Variants in FMNL3 observed in about 807,000 individuals in gnomAD.
FMNL3 encodes formin-like protein 3.
Under a neutral mutation model 119.6 loss-of-function variants are expected in FMNL3, and 57 were observed. The observed-to-expected ratio is 0.48, with a 90% confidence interval of 0.39 to 0.59. FMNL3 has a LOEUF of 0.59. Among genes scored for constraint, FMNL3 ranks in the 20% least tolerant of loss-of-function variants. The probability of loss-of-function intolerance (pLI) is 0.00; values close to 1 mark genes in which losing one functional copy is unlikely to be tolerated. For synonymous variants in FMNL3, 491 were observed against 507.3 expected (o/e 0.97, Z 0.43); for missense variants, 1,053 against 1,323.5 (o/e 0.80, Z 3.17).
intron 1 of FMNL3, among the ~76,000 whole-genome samples, chr12:49,703,782 GT>G (rs1389423420): frequency 2.6e-5 from 4 of 152,128 alleles, no homozygotes; most frequent in Non-Finnish European, 4.4e-5. Flanking sequence ...GACAGATCAT[GT>G]GTCTAGAACA....
intron 1 of FMNL3, among the ~76,000 whole-genome samples, chr12:49,687,016 A>G (rs1241144182): frequency 5.3e-5 from 8 of 152,226 alleles, no homozygotes; most frequent in East Asian, 1.9e-4. Flanking sequence ...AAGTTCATGG[A>G]AAGTTTCACT....
Position 49,642,059 on chromosome 12 carries a change from A to G in FMNL3, c.*3756T>C, listed in dbSNP as rs778731129. On this transcript the variant is annotated 3_prime_UTR_variant, in exon 26 of 26. Coordinates refer to ENST00000335154, the MANE Select transcript of FMNL3 (RefSeq NM_175736.5). This position sits in a 1 kb window ranked among gnomAD's most constrained non-coding sequence, Gnocchi z 5.8. ...TGGGCGGGGCGTGGGAAGTTCTCTA[A>G]TTCATCTGTGTCTTGCTCCATTCCT... The G allele has an allele frequency of 1.9e-6, 3 of 1,607,528 alleles. No homozygotes were observed. The highest frequency in any genetic ancestry group is 1.7e-6 in the Non-Finnish European group (2 of 1,177,022).
chr12:49,697,805 A>C (rs1379428401), intron 1 of FMNL3, among the ~76,000 whole-genome samples: 1 of 152,180 alleles, frequency 6.6e-6, no homozygotes, highest in Non-Finnish European at 1.5e-5. Flanking sequence ...ACGTGTCATA[A>C]AGGATGAAAT....
chr12:49,650,729 G>A lies in FMNL3; in HGVS notation c.1947C>T (p.Ile649=). ...LEANRAKNLA[I]TLRKAGRSAE... ...CCGAGCGGCCAGCCTTGCGTAGGGTGATGGCCAGGTTCTTGGCACGATTGG... is the reference window on the plus strand; with the variant it reads ...CCGAGCGGCCAGCCTTGCGTAGGGTAATGGCCAGGTTCTTGGCACGATTGG... Residue 649 remains isoleucine, a synonymous_variant, in exon 17 of 26, where the codon ATC becomes ATT. Transcript: ENST00000335154. 1 of 1,614,166 alleles carries A rather than the reference G, an allele frequency of 6.2e-7. No homozygotes were observed. Among genetic ancestry groups the A allele is most frequent in the Non-Finnish European group, 8.5e-7 (1 of 1,180,044 alleles).
At chr12:49,673,780 C>T (rs1356737390) in intron 1 of FMNL3, among the ~76,000 whole-genome samples, 2 of 152,274 alleles carry the variant, frequency 1.3e-5, no homozygotes, top group African/African-American at 4.8e-5. Flanking sequence ...GCAGGCCAGC[C>T]GGCCCAGCCC....
rs759943734 is a variant in FMNL3 at position 49,668,480 on chromosome 12, G to A, written c.201C>T (p.Ile67=). 26 of 1,614,052 alleles carry A rather than the reference G, an allele frequency of 1.6e-5. No homozygotes were observed. The South Asian group carries it at 2.7e-4, about 17-fold the overall frequency. ...QYDNEKKWDL[I]CDQERFQVKN... Reference sequence around the variant, plus strand: ...TTCCCAAACCCCATACCTGGTCACAGATCAGATCCCATTTCTTCTCATTGT... The same window carrying A: ...TTCCCAAACCCCATACCTGGTCACAAATCAGATCCCATTTCTTCTCATTGT... Residue 67 remains isoleucine, a synonymous_variant, in exon 2 of 26, where the codon ATC becomes ATT. Coordinates refer to ENST00000335154, the MANE Select transcript of FMNL3 (RefSeq NM_175736.5).
chr12:49,637,847 A>G lies in FMNL3; in HGVS notation c.*7968T>C. On this transcript the variant is annotated 3_prime_UTR_variant, in exon 26 of 26. Coordinates refer to ENST00000335154, the MANE Select transcript of FMNL3 (RefSeq NM_175736.5). ...AAGGTGAGGGAGGCTGGGGTTATGG[A>G]TGGATACAGGATGGATGCAGGGCAC... is the stretch of plus-strand genomic sequence containing the variant. The G allele has an allele frequency of 6.4e-7, 1 of 1,562,998 alleles. No homozygotes were observed. Among genetic ancestry groups the G allele is most frequent in the Non-Finnish European group, 8.8e-7 (1 of 1,134,876 alleles).
intron 1 of FMNL3, among the ~76,000 whole-genome samples, chr12:49,697,075 G>A (rs1471640844): frequency 6.6e-6 from 1 of 152,172 alleles, no homozygotes; most frequent in Non-Finnish European, 1.5e-5. Flanking sequence ...GATTTCCAAA[G>A]GAATCTGTTA....
chr12:49,666,016 A>G lies in FMNL3; in HGVS notation c.292-108T>C, dbSNP rs12305096. ...CTTGGCCACAGAACCCTGAAATCCA[A>G]CTCCCAATGCTCAGAAACAGATGTC... On this transcript the variant is annotated intron_variant, in intron 3 of 25. Coordinates refer to ENST00000335154, the MANE Select transcript of FMNL3 (RefSeq NM_175736.5). 9.3e-4 allele frequency: 1,436 copies of G among 1,537,318 alleles called. 6 individuals are homozygous for G. In the African/African-American group the frequency reaches 0.016, roughly 18 times the overall value.
At chr12:49,706,269 T>C (rs1790364659) in intron 1 of FMNL3, among the ~76,000 whole-genome samples, 1 of 152,166 alleles carries the variant, frequency 6.6e-6, no homozygotes, top group Non-Finnish European at 1.5e-5. Context: ...AAAACCCATT[T>C]ATACAGACCG....
At chr12:49,696,047 T>C (rs1944742441) in intron 1 of FMNL3, among the ~76,000 whole-genome samples, 1 of 152,098 alleles carries the variant, frequency 6.6e-6, no homozygotes, top group Non-Finnish European at 1.5e-5. Flanking sequence ...TTCCTGGGAT[T>C]TGTGAAAATA....
rs142650112 is a variant in FMNL3 at position 49,668,126 on chromosome 12, G to A, written c.210+345C>T. Among the ~76,000 whole-genome samples, 51 of 152,288 alleles carry A rather than the reference G, an allele frequency of 3.3e-4. 1 individual carries two copies. Among genetic ancestry groups the A allele is most frequent in the Middle Eastern group, 3.4e-3 (1 of 294 alleles). On this transcript the variant is annotated intron_variant, in intron 2 of 25. Coordinates refer to ENST00000335154, the MANE Select transcript of FMNL3 (RefSeq NM_175736.5). ...GAGAAAGACCCTGCTATTTGCCAGG[G>A]CTAAGACAGAGTGAGAGATCAACAG...
At chr12:49,660,234 C>A (rs945938136) in intron 5 of FMNL3, among the ~76,000 whole-genome samples, 3 of 152,316 alleles carry the variant, frequency 2.0e-5, no homozygotes, top group East Asian at 3.9e-4. Flanking sequence ...CTCCCCCACA[C>A]AAAGTCCTTC....
In FMNL3 at chr12:49,654,960, C is replaced by G. The variant is rs199918366; in HGVS notation, c.910G>C (p.Glu304Gln). ...TTCCGGAAATACTCCATCAGCTTCT[C>G]AAAGCGGTGCAGCTCCTTGCATACC... ...KEVCKELHRF[E>Q]KLMEYFRNED... The change falls in exon 10 of 26, where the codon GAG (glutamate) becomes CAG (glutamine). Residue 304 changes from glutamate (E) to glutamine (Q), a missense_variant. By Grantham distance (29) the Glu-to-Gln change is conservative. This residue lies in a region of FMNL3 where 445 missense variants were observed against 628.4 expected (regional missense o/e 0.71). Transcript: ENST00000335154. 88 of 1,614,112 alleles carry G rather than the reference C, an allele frequency of 5.5e-5. No homozygotes were observed. In the African/African-American group the frequency reaches 1.1e-3, roughly 21 times the overall value.
Position 49,707,140 on chromosome 12 carries a change from G to A in FMNL3, c.41C>T (p.Pro14Leu). The change falls in exon 1 of 26, where the codon CCC becomes CTC. Residue 14 changes from proline (P) to leucine (L), a missense_variant. Coordinates refer to ENST00000335154, the MANE Select transcript of FMNL3 (RefSeq NM_175736.5). ...CGGCAGCAACAACGGGACAGAGGGG[G>A]GCTCTCCCGGGACCCCCTCGGCGCT... Reference protein sequence around the residue: ...LESAEGVPGEPPSVPLLLPPG... With the variant: ...LESAEGVPGELPSVPLLLPPG... 6.3e-7 allele frequency: 1 copy of A among 1,598,022 alleles called. No individual in the cohort carries two copies. The highest frequency in any genetic ancestry group is 8.5e-7 in the Non-Finnish European group (1 of 1,173,514).
intron 1 of FMNL3, among the ~76,000 whole-genome samples, chr12:49,671,636 C>T (rs1049669014): frequency 6.6e-6 from 1 of 152,230 alleles, no homozygotes; most frequent in Non-Finnish European, 1.5e-5. Flanking sequence ...TCTGGCAGGG[C>T]TCCAATGTCC....
chr12:49,672,919 A>G (rs1944084684), intron 1 of FMNL3, among the ~76,000 whole-genome samples: 1 of 152,272 alleles, frequency 6.6e-6, no homozygotes, highest in Non-Finnish European at 1.5e-5. Context: ...TCTTAGGAAC[A>G]GAGACCAAAA....
intron 1 of FMNL3, among the ~76,000 whole-genome samples, chr12:49,683,076 C>T (rs886610661): frequency 6.6e-6 from 1 of 152,144 alleles, no homozygotes; most frequent in Non-Finnish European, 1.5e-5. Context: ...CTGTTTTTGG[C>T]CCCCTCAACT....
chr12:49,698,237 G>C (rs1944805720), intron 1 of FMNL3, among the ~76,000 whole-genome samples: 2 of 152,092 alleles, frequency 1.3e-5, no homozygotes, highest in African/African-American at 4.8e-5. Flanking sequence ...CCAGAGGTAA[G>C]ATCACCAGCC....
Sources: gnomAD v4.1 joint callset for allele counts (sites outside exome capture counted in the v4.1 genomes callset) on GRCh38, gnomAD v4.1.1 for gene constraint, gnomAD v4.1.1 regional missense constraint, Gnocchi (gnomAD v3.1) non-coding constraint, MANE v1.5 for transcripts, NCBI Gene and HGNC (gene_info 2026-07-23, HGNC 2026-07-21) for gene names.